CNKSR2: variants seen among roughly 807,000 people sequenced by gnomAD.
The protein encoded by CNKSR2 is connector enhancer of kinase suppressor of Ras 2, also known as CNK homolog protein 2.
Under a neutral mutation model 84.4 loss-of-function variants are expected in CNKSR2, and 14 were observed. The ratio of observed to expected loss-of-function variants is 0.17; its 90% confidence interval spans 0.11 to 0.26. The LOEUF (loss-of-function observed/expected upper bound fraction) is 0.26. CNKSR2 is among the 10% of genes least tolerant of loss of function. CNKSR2 has a pLI of 1.00. For missense variants in CNKSR2, 485 were observed against 771.2 expected (o/e 0.63, Z 4.40); for synonymous variants, 275 against 277.9 (o/e 0.99, Z 0.10).
At chrX:21,530,656 CAATT>C (rs2091877591) in intron 10 of CNKSR2, among the ~76,000 whole-genome samples, 1 of 110,681 alleles carries the variant, frequency 9.0e-6, no homozygotes, top group Non-Finnish European at 1.9e-5. Context: ...TAACCAGAAA[CAATT>C]AAGAACAAGG....
chrX:21,619,752 T>C (rs1192308935), intron 20 of CNKSR2, among the ~76,000 whole-genome samples: 4 of 111,169 alleles, frequency 3.6e-5, no homozygotes, highest in African/African-American at 1.3e-4. Flanking sequence ...GCCCATAACT[T>C]TGATGTCACT....
At chrX:21,497,314 T>C (rs959973479) in intron 6 of CNKSR2, among the ~76,000 whole-genome samples, 10 of 111,669 alleles carry the variant, frequency 9.0e-5, no homozygotes, top group South Asian at 7.3e-4. Context: ...ATGTAAATTA[T>C]ATTTTATCAC....
intron 13 of CNKSR2, among the ~76,000 whole-genome samples, chrX:21,585,426 G>A (rs899675707): frequency 1.9e-5 from 2 of 108,070 alleles, no homozygotes; most frequent in Non-Finnish European, 3.8e-5. Context: ...TAGAGCTGGT[G>A]AGAAAAAGTC....
intron 20 of CNKSR2, among the ~76,000 whole-genome samples, chrX:21,622,808 A>G (rs935402844): frequency 2.7e-5 from 3 of 111,689 alleles, no homozygotes; most frequent in Non-Finnish European, 5.7e-5. Flanking sequence ...TAGTATATTG[A>G]TGGCTTGACC....
chrX:21,628,329 C>T (rs1271376357), intron 20 of CNKSR2, among the ~76,000 whole-genome samples: 1 of 111,350 alleles, frequency 9.0e-6, no homozygotes, highest in African/African-American at 3.3e-5. Context: ...TGCAAGCTGT[C>T]AGTGGATCTA....
chrX:21,583,829 A>G (rs968115558), intron 13 of CNKSR2, among the ~76,000 whole-genome samples: 6 of 111,816 alleles, frequency 5.4e-5, no homozygotes, highest in African/African-American at 1.9e-4. Flanking sequence ...CATCCAAAAG[A>G]GTGGGGAATG....
intron 13 of CNKSR2, among the ~76,000 whole-genome samples, chrX:21,569,218 T>G (rs186379674): frequency 2.8e-3 from 309 of 111,365 alleles, no homozygotes; most frequent in African/African-American, 9.5e-3. Context: ...AAGTTATTAT[T>G]ATTATTATTA....
At chrX:21,495,954 A>C (rs907408708) in intron 6 of CNKSR2, among the ~76,000 whole-genome samples, 1 of 109,350 alleles carries the variant, frequency 9.1e-6, no homozygotes, top group Non-Finnish European at 1.9e-5. Context: ...ACTTACACAA[A>C]CCTAGATAGT....
At chrX:21,544,909 C>T (rs189321058) in intron 11 of CNKSR2, among the ~76,000 whole-genome samples, 1,333 of 111,564 alleles carry the variant, frequency 0.012, 9 homozygotes, top group Non-Finnish European at 0.017. Context: ...TATGAGATTC[C>T]CTCAGGTGCC....
intron 20 of CNKSR2, among the ~76,000 whole-genome samples, chrX:21,634,795 GA>G (rs1322361568): frequency 1.6e-4 from 17 of 107,361 alleles, no homozygotes; most frequent in African/African-American, 5.7e-4. Context: ...GATAGAATAT[GA>G]ATTTAATATG....
chrX:21,591,229 C>G (rs760029037), intron 15 of CNKSR2, 35 bp downstream of exon 15: 9 of 1,055,442 alleles, frequency 8.5e-6, no homozygotes, highest in Non-Finnish European at 1.1e-5. Flanking sequence ...CTCATCCATT[C>G]TCTATCTTTA....
rs189109706 is a variant in CNKSR2, at chrX:21,605,278, A to C, written c.2045-1501A>C. Among the ~76,000 whole-genome samples, 172 of 112,158 alleles carry C rather than the reference A, an allele frequency of 1.5e-3. 1 individual carries two copies. The highest frequency in any genetic ancestry group is 3.0e-3 in the South Asian group (8 of 2,658). On this transcript the variant is annotated intron_variant, in intron 18 of 21. Transcript: ENST00000379510. ...ACTGTGCCAATTCATATTTGAGGGA[A>C]AACTTGGTATACTGGCTGTCACTGG... is the stretch of plus-strand genomic sequence containing the variant.
At chrX:21,404,115 T>C (rs1466691025) in intron 1 of CNKSR2, among the ~76,000 whole-genome samples, 1 of 111,756 alleles carries the variant, frequency 8.9e-6, no homozygotes, top group Non-Finnish European at 1.9e-5. Flanking sequence ...TCATAGAATT[T>C]GCTTTGAAGA....
intron 4 of CNKSR2, among the ~76,000 whole-genome samples, chrX:21,466,748 C>A (rs770823263): frequency 9.0e-6 from 1 of 111,192 alleles, no homozygotes; most frequent in Admixed American, 9.6e-5. Flanking sequence ...CCACACCCAG[C>A]TAATTTTTGT....
intron 15 of CNKSR2, chrX:21,593,443 G>A (rs1269224508): frequency 9.0e-6 from 1 of 111,576 alleles, no homozygotes; most frequent in Non-Finnish European, 1.9e-5. Context: ...CTCTGTGATA[G>A]TGGATGGGAG....
chrX:21,599,608 G>A (rs1197007099), intron 17 of CNKSR2, among the ~76,000 whole-genome samples: 2 of 111,045 alleles, frequency 1.8e-5, no homozygotes, highest in African/African-American at 3.3e-5. Context: ...CAGGTGATCC[G>A]CCCACATCGG....
At chrX:21,587,960 C>T (rs1488769053) in intron 13 of CNKSR2, among the ~76,000 whole-genome samples, 1 of 111,415 alleles carries the variant, frequency 9.0e-6, no homozygotes, top group Non-Finnish European at 1.9e-5. Context: ...AAAAAGACAC[C>T]TGTGGAATCT....
intron 2 of CNKSR2, 21 bp from the exon 3 acceptor site, chrX:21,432,591 T>C: frequency 9.7e-7 from 1 of 1,029,242 alleles, no homozygotes; most frequent in Non-Finnish European, 1.3e-6. Context: ...AAATATATTC[T>C]CTCTCTTTTT....
intron 1 of CNKSR2, among the ~76,000 whole-genome samples, chrX:21,387,279 C>T (rs184753560): frequency 4.2e-4 from 47 of 111,141 alleles, no homozygotes; most frequent in Non-Finnish European, 8.1e-4. Context: ...CTCAGGAGGT[C>T]GAGATCAGCC....
Sources: allele counts gnomAD v4.1 joint callset (sites outside exome capture counted in the v4.1 genomes callset), GRCh38; gene constraint gnomAD v4.1.1; transcripts MANE v1.5; gene names NCBI Gene and HGNC (gene_info 2026-07-23, HGNC 2026-07-21).